The following NEGR1 variants were observed in gnomAD, a reference collection of about 807,000 sequenced individuals.
NEGR1 encodes the protein IgLON family member 4.
In NEGR1, 10 loss-of-function variants were observed where a neutral mutation model predicts 40.9. The observed-to-expected ratio is 0.24, with a 90% CI of 0.15 to 0.42. The LOEUF (loss-of-function observed/expected upper bound fraction) is 0.42, where lower values mean the gene tolerates loss of function less well. Ranked by LOEUF, NEGR1 falls within the 10% of genes least tolerant of loss-of-function variation. NEGR1 has a pLI of 1.00. For missense variants in NEGR1, 352 were observed against 438.9 expected, an observed-to-expected ratio of 0.80 and a Z score of 1.77; for synonymous variants, 185 against 166.8, an observed-to-expected ratio of 1.11 and a Z score of -0.84.
chr1:72,273,087 A>T (rs901921576), intron 1 of NEGR1, among the ~76,000 whole-genome samples: 9 of 151,994 alleles, frequency 5.9e-5, no homozygotes, highest in Non-Finnish European at 1.2e-4. Flanking sequence ...TAACATCCTC[A>T]ACATTATAAA....
intron 6 of NEGR1, among the ~76,000 whole-genome samples, chr1:71,515,638 C>T (rs1266398864): frequency 1.1e-5 from 1 of 94,190 alleles, no homozygotes; most frequent in Non-Finnish European, 2.0e-5. Context: ...ATGTAAAGAC[C>T]ATCCAGACTA....
intron 1 of NEGR1, among the ~76,000 whole-genome samples, chr1:72,235,246 G>A (rs1305516131): frequency 6.6e-6 from 1 of 152,096 alleles, no homozygotes; most frequent in Non-Finnish European, 1.5e-5. Context: ...AGACGTCCTT[G>A]GGATAGAATA....
rs191855217 is a variant in NEGR1 at position 71,815,789 on chromosome 1, T to G, written c.410-39492A>C. 2.4e-3 allele frequency among the ~76,000 whole-genome samples: 368 copies of G among 152,184 alleles called. 2 individuals are homozygous for G. The highest frequency in any genetic ancestry group is 0.02 in the Middle Eastern group (6 of 294). On this transcript the variant is annotated intron_variant, in intron 2 of 6. Transcript: ENST00000357731. Reference sequence around the variant, plus strand: ...AACAATTCTTTAGCCAAATGTGCTATTGGTAAAATCCATCACGAACATCCT... The same window carrying G: ...AACAATTCTTTAGCCAAATGTGCTAGTGGTAAAATCCATCACGAACATCCT...
At chr1:71,610,983 G>T (rs1377280714) in intron 5 of NEGR1, 43 bp downstream of exon 5, 1 of 1,586,740 alleles carries the variant, frequency 6.3e-7, no homozygotes, top group Middle Eastern at 1.7e-4. Flanking sequence ...AAGCACGTTA[G>T]CTCAAAGTGC....
intron 1 of NEGR1, among the ~76,000 whole-genome samples, chr1:72,188,003 G>A (rs1248768135): frequency 6.6e-6 from 1 of 151,400 alleles, no homozygotes; most frequent in Non-Finnish European, 1.5e-5. Context: ...GCATAAGGAA[G>A]AGTTTAATAC....
chr1:71,822,366 C>T (rs1570395116), intron 2 of NEGR1, among the ~76,000 whole-genome samples: 1 of 151,938 alleles, frequency 6.6e-6, no homozygotes, highest in East Asian at 1.9e-4. Flanking sequence ...CATTTAACAA[C>T]CAAGTGGACA....
At chr1:71,837,705 T>C (rs1213957972) in intron 2 of NEGR1, among the ~76,000 whole-genome samples, 1 of 152,100 alleles carries the variant, frequency 6.6e-6, no homozygotes, top group Non-Finnish European at 1.5e-5. Flanking sequence ...CCATTTACAA[T>C]AGCAATCCCA....
chr1:71,743,872 C>T (rs2125774), intron 3 of NEGR1, among the ~76,000 whole-genome samples: 1 of 152,140 alleles, frequency 6.6e-6, no homozygotes, highest in Non-Finnish European at 1.5e-5. Context: ...AGACTGCACT[C>T]TTTGCTCCTC....
intron 2 of NEGR1, among the ~76,000 whole-genome samples, chr1:71,914,195 A>T (rs982728403): frequency 1.3e-5 from 2 of 152,206 alleles, no homozygotes; most frequent in Admixed American, 6.5e-5. Flanking sequence ...CACAGAGGAC[A>T]GGAATACATT....
intron 1 of NEGR1, among the ~76,000 whole-genome samples, chr1:72,135,132 T>C (rs1206993958): frequency 6.7e-6 from 1 of 149,270 alleles, no homozygotes; most frequent in Non-Finnish European, 1.5e-5. Flanking sequence ...ATCCCAGCAC[T>C]TTGGGAGGCC....
intron 1 of NEGR1, among the ~76,000 whole-genome samples, chr1:72,054,028 A>G (rs184475557): frequency 6.6e-6 from 1 of 151,260 alleles, no homozygotes; most frequent in African/African-American, 2.4e-5. Context: ...AGACGATAGG[A>G]TCTAAACCTG....
intron 1 of NEGR1, among the ~76,000 whole-genome samples, chr1:72,004,077 G>A (rs1646581312): frequency 6.6e-6 from 1 of 151,884 alleles, no homozygotes; most frequent in African/African-American, 2.4e-5. Context: ...GAGAATGGGG[G>A]CAATTGAACT....
At position 72,204,086 on chromosome 1, in the gene NEGR1, C is replaced by A. The variant is rs561831827; in HGVS notation, c.176+78233G>T. 2.4e-4 allele frequency among the ~76,000 whole-genome samples: 36 copies of A among 152,034 alleles called. No homozygotes were observed. In the East Asian group the frequency reaches 5.4e-3, roughly 23 times the overall value. On this transcript the variant is annotated intron_variant, in intron 1 of 6. Coordinates refer to ENST00000357731, the MANE Select transcript of NEGR1 (RefSeq NM_173808.3). ...ATCTAGAACCATGCCCACAATATTT[C>A]CAAGGTAAGCTTCTAGAGTGAAATG... is the stretch of plus-strand genomic sequence containing the variant.
At chr1:71,528,950 T>C (rs1038646286) in intron 6 of NEGR1, among the ~76,000 whole-genome samples, 1 of 151,242 alleles carries the variant, frequency 6.6e-6, no homozygotes, top group Non-Finnish European at 1.5e-5. Context: ...AGAGTCTACA[T>C]TGACTTTTTT....
At chr1:72,246,253 C>T (rs147371540) in intron 1 of NEGR1, among the ~76,000 whole-genome samples, 10 of 152,182 alleles carry the variant, frequency 6.6e-5, no homozygotes, top group Non-Finnish European at 1.2e-4. Context: ...AAATAAAATC[C>T]AAATTATCGC....
intron 3 of NEGR1, among the ~76,000 whole-genome samples, chr1:71,736,489 T>C (rs1166610704): frequency 6.6e-6 from 1 of 152,146 alleles, no homozygotes; most frequent in Non-Finnish European, 1.5e-5. Context: ...ATAGAGAAAG[T>C]CATAATGTGC....
chr1:72,036,447 G>A (rs553491907), intron 1 of NEGR1, among the ~76,000 whole-genome samples: 48 of 152,008 alleles, frequency 3.2e-4, no homozygotes, highest in Non-Finnish European at 5.1e-4. Flanking sequence ...CCTAAGGTCA[G>A]GAGTTCGAGA....
intron 6 of NEGR1, among the ~76,000 whole-genome samples, chr1:71,423,191 C>T (rs1016917492): frequency 6.6e-6 from 1 of 152,180 alleles, no homozygotes. Context: ...AGTTCGAGAT[C>T]AGCCTGGGCA....
intron 1 of NEGR1, among the ~76,000 whole-genome samples, chr1:72,088,796 CTTTTTTTTTT>C (rs71074816): frequency 4.0e-5 from 3 of 74,906 alleles, no homozygotes; most frequent in Non-Finnish European, 5.1e-5. Context: ...CTCTCTCTCT[CTTTTTTTTTT>C]TTTTTTTTTT....
Sources: allele counts gnomAD v4.1 joint callset (sites outside exome capture counted in the v4.1 genomes callset), GRCh38; gene constraint gnomAD v4.1.1; transcripts MANE v1.5; gene names NCBI Gene and HGNC (gene_info 2026-07-23, HGNC 2026-07-21).